CFAP77: variants seen among roughly 807,000 people sequenced by gnomAD.
CFAP77 encodes cilia and flagella associated protein 77.
Under a neutral mutation model 31.1 loss-of-function variants are expected in CFAP77, and 25 were observed. The ratio of observed to expected loss-of-function variants is 0.80; its 90% CI spans 0.59 to 1.12. The LOEUF is 1.12. Ranked by LOEUF, CFAP77 falls within the 50% of genes most tolerant of loss-of-function variation. The pLI, the probability that CFAP77 is intolerant of heterozygous loss-of-function variation, is 0.00. For missense variants in CFAP77, 377 were observed against 397.3 expected (o/e 0.95, Z 0.44); for synonymous variants, 151 against 159.9 (o/e 0.94, Z 0.42).
Position 132,499,360 on chromosome 9 carries a change from C to T in CFAP77, c.296-12C>T. 6.2e-7 allele frequency: 1 copy of T among 1,613,288 alleles called. No homozygotes were observed. The highest frequency in any genetic ancestry group is 8.5e-7 in the Non-Finnish European group (1 of 1,179,590). ...GCTGACCACTGCCCCGTGGGTCTCTCCCTGCCCTCAGCCATCGGACGCTGG... is the reference window on the plus strand; with the variant it reads ...GCTGACCACTGCCCCGTGGGTCTCTTCCTGCCCTCAGCCATCGGACGCTGG... On this transcript the variant is annotated splice_polypyrimidine_tract_variant and intron_variant, in intron 2 of 5. Coordinates refer to ENST00000393216, the MANE Select transcript of CFAP77 (RefSeq NM_001282957.2). The surrounding 1 kb of genome is among the most constrained non-coding windows in gnomAD (Gnocchi z 5.4).
At chr9:132,417,039 A>G (rs913670317) in intron 1 of CFAP77, among the ~76,000 whole-genome samples, 4 of 152,038 alleles carry the variant, frequency 2.6e-5, no homozygotes, top group Non-Finnish European at 5.9e-5. Context: ...AAGCTCCTGC[A>G]TCAGTATGTG....
At chr9:132,478,846 G>C (rs374822642) in intron 1 of CFAP77, among the ~76,000 whole-genome samples, 3 of 152,172 alleles carry the variant, frequency 2.0e-5, no homozygotes, top group African/African-American at 4.8e-5. Context: ...TTAGATTTCC[G>C]CTCTGCAGCT....
chr9:132,518,368 C>T (rs1033565513), intron 3 of CFAP77, among the ~76,000 whole-genome samples: 5 of 152,156 alleles, frequency 3.3e-5, no homozygotes, highest in Non-Finnish European at 4.4e-5. Context: ...GCCTTGGAGC[C>T]GCTCAGCACA....
intron 5 of CFAP77, among the ~76,000 whole-genome samples, chr9:132,568,280 C>T (rs557760466): frequency 6.6e-5 from 10 of 152,264 alleles, no homozygotes; most frequent in East Asian, 3.9e-4. Context: ...TACAGCTGGG[C>T]GCTGTGGCTA....
intron 1 of CFAP77, among the ~76,000 whole-genome samples, chr9:132,458,348 A>AG (rs538139245): frequency 0.048 from 5,003 of 103,584 alleles, 140 homozygotes; most frequent in Middle Eastern, 0.083. Flanking sequence ...CTGGCGGGGG[A>AG]GGGGGGGGGG....
At position 132,554,775 on chromosome 9, in the gene CFAP77, GGGT is replaced by G. The variant is rs1264422645; in HGVS notation, c.732+11730_732+11732del. Among the ~76,000 whole-genome samples the G allele has an allele frequency of 6.6e-6, 1 of 152,198 alleles. No homozygotes were observed. The highest frequency in any genetic ancestry group is 1.5e-5 in the Non-Finnish European group (1 of 68,038). ...AAGCTGAGCAAAGCAGAGATCTTCA[GGGT>G]GCCTGAATCTTGGATGCATTCCTAA... On this transcript the variant is annotated intron_variant, in intron 5 of 5. Transcript: ENST00000393216. The surrounding 1 kb of genome is among the most constrained non-coding windows in gnomAD (Gnocchi z 4.1).
chr9:132,476,641 A>T (rs1000402577), intron 1 of CFAP77, among the ~76,000 whole-genome samples: 7 of 152,118 alleles, frequency 4.6e-5, no homozygotes, highest in Non-Finnish European at 1.0e-4. Context: ...CCCTAAACCC[A>T]ATGACTGGTG....
chr9:132,554,265 G>C lies in CFAP77; in HGVS notation c.732+11218G>C, dbSNP rs139172474. Among the ~76,000 whole-genome samples, 1 of 152,112 alleles carries C rather than the reference G, an allele frequency of 6.6e-6. No homozygotes were observed. The highest frequency in any genetic ancestry group is 2.4e-5 in the African/African-American group (1 of 41,400). Reference sequence around the variant, plus strand: ...CTTCATGTGGCAGAAATTGAGCAAGGGTTAGAATCTGTTTAAACCAGGGGC... The same window carrying C: ...CTTCATGTGGCAGAAATTGAGCAAGCGTTAGAATCTGTTTAAACCAGGGGC... On this transcript the variant is annotated intron_variant, in intron 5 of 5. Coordinates refer to ENST00000393216, the MANE Select transcript of CFAP77 (RefSeq NM_001282957.2). The surrounding 1 kb of genome is among the most constrained non-coding windows in gnomAD (Gnocchi z 4.1).
At chr9:132,428,101 G>A (rs1475148815) in intron 1 of CFAP77, among the ~76,000 whole-genome samples, 1 of 151,334 alleles carries the variant, frequency 6.6e-6, no homozygotes, top group Non-Finnish European at 1.5e-5. Context: ...TGGCTCAAGT[G>A]ATTCTCCCAC....
chr9:132,462,693 G>A (rs1821069719), intron 1 of CFAP77, among the ~76,000 whole-genome samples: 1 of 152,114 alleles, frequency 6.6e-6, no homozygotes. Context: ...GTGGGCGCCT[G>A]TAATCCCAGC....
chr9:132,534,395 G>A (rs1421713369), intron 3 of CFAP77, among the ~76,000 whole-genome samples: 8 of 151,960 alleles, frequency 5.3e-5, no homozygotes, highest in South Asian at 2.1e-4. Flanking sequence ...GGTGGATCAC[G>A]AGGTCAGGAG....
intron 1 of CFAP77, among the ~76,000 whole-genome samples, chr9:132,478,086 C>T (rs1216644915): frequency 6.6e-6 from 1 of 152,094 alleles, no homozygotes; most frequent in Non-Finnish European, 1.5e-5. Flanking sequence ...TGTGTCCCCA[C>T]CCAAATCTCA....
At chr9:132,522,661 C>T (rs533611583) in intron 3 of CFAP77, among the ~76,000 whole-genome samples, 1 of 152,342 alleles carries the variant, frequency 6.6e-6, no homozygotes, top group Admixed American at 6.5e-5. Flanking sequence ...CCTAAAACTG[C>T]ATTCTTGAAA....
chr9:132,543,261 G>A (rs1330213462), intron 5 of CFAP77, among the ~76,000 whole-genome samples: 1 of 152,278 alleles, frequency 6.6e-6, no homozygotes, highest in Non-Finnish European at 1.5e-5. Flanking sequence ...GAAGGGGGCA[G>A]CTGCTGCTAC....
In CFAP77 at chr9:132,423,525, GAAGCCGAGGC is replaced by G. The variant is rs565969297; in HGVS notation, c.195+13060_195+13069del. Among the ~76,000 whole-genome samples, 91 of 152,314 alleles carry G rather than the reference GAAGCCGAGGC, an allele frequency of 6.0e-4. 1 individual carries two copies. In the East Asian group the frequency reaches 0.016, roughly 27 times the overall value. ...CTATCATTCCCATTTTACAGATGGG[GAAGCCGAGGC>G]TTATAGAGGTCACACAAATTGCCCA... On this transcript the variant is annotated intron_variant, in intron 1 of 5. Coordinates refer to ENST00000393216, the MANE Select transcript of CFAP77 (RefSeq NM_001282957.2).
At chr9:132,534,224 C>G (rs1033023053) in intron 3 of CFAP77, among the ~76,000 whole-genome samples, 2 of 152,170 alleles carry the variant, frequency 1.3e-5, no homozygotes, top group South Asian at 4.1e-4. Flanking sequence ...GATGAATGTT[C>G]CCTAGATCCA....
intron 5 of CFAP77, among the ~76,000 whole-genome samples, chr9:132,568,942 C>A (rs1241329496): frequency 2.0e-5 from 3 of 152,150 alleles, no homozygotes; most frequent in African/African-American, 7.2e-5. Context: ...TCAAGCAATC[C>A]ACCTACCTTG....
chr9:132,481,760 C>T lies in CFAP77; in HGVS notation c.196-16935C>T, dbSNP rs1233510880. Among the ~76,000 whole-genome samples the T allele has an allele frequency of 6.6e-6, 1 of 152,250 alleles. No homozygotes were observed. The highest frequency in any genetic ancestry group is 1.9e-4 in the East Asian group (1 of 5,204). On this transcript the variant is annotated intron_variant, in intron 1 of 5. Coordinates refer to ENST00000393216, the MANE Select transcript of CFAP77 (RefSeq NM_001282957.2). This position sits in a 1 kb window ranked among gnomAD's most constrained non-coding sequence, Gnocchi z 5.0. ...ACAGGCTTCGTTTTAGGGACGCCTCCTCCGCCTCAGCTATCTGCTATGCTA... is the reference window on the plus strand; with the variant it reads ...ACAGGCTTCGTTTTAGGGACGCCTCTTCCGCCTCAGCTATCTGCTATGCTA...
rs1466056565 is a variant in CFAP77 at position 132,511,533 on chromosome 9, G to A, written c.524+11933G>A. Among the ~76,000 whole-genome samples the A allele has an allele frequency of 1.3e-5, 2 of 152,194 alleles. No homozygotes were observed. Among genetic ancestry groups the A allele is most frequent in the African/African-American group, 4.8e-5 (2 of 41,436 alleles). Reference sequence around the variant, plus strand: ...GGAATGTTGTAGGTGCTCAGTAAACGCTTGTTGACTGACTGCGTGAGAGGG... The same window carrying A: ...GGAATGTTGTAGGTGCTCAGTAAACACTTGTTGACTGACTGCGTGAGAGGG... On this transcript the variant is annotated intron_variant, in intron 3 of 5. Transcript: ENST00000393216. This position sits in a 1 kb window ranked among gnomAD's most constrained non-coding sequence, Gnocchi z 5.8.
Sources: allele counts gnomAD v4.1 joint callset (sites outside exome capture counted in the v4.1 genomes callset), GRCh38; gene constraint gnomAD v4.1.1; non-coding constraint Gnocchi (gnomAD v3.1); transcripts MANE v1.5; gene names NCBI Gene and HGNC (gene_info 2026-07-23, HGNC 2026-07-21).